FBXW11: variants seen among roughly 807,000 people sequenced by gnomAD.
FBXW11 encodes F-box and WD repeat domain containing 11, also known as F-box/WD repeat-containing protein 11.
A neutral mutation model predicts 77.6 loss-of-function variants in FBXW11; 19 were observed. The ratio of observed to expected loss-of-function variants is 0.24; its 90% CI spans 0.17 to 0.36. The LOEUF is 0.36. FBXW11 is among the 10% of genes least tolerant of loss of function. The pLI, the probability that FBXW11 is intolerant of heterozygous loss-of-function variation, is 1.00. For missense variants in FBXW11, 334 were observed against 704.2 expected, an observed-to-expected ratio of 0.47 and a Z score of 5.95; for synonymous variants, 235 against 249.4, an observed-to-expected ratio of 0.94 and a Z score of 0.54.
At chr5:171,979,933 AT>A (rs1765054949) in intron 1 of FBXW11, among the ~76,000 whole-genome samples, 2 of 152,210 alleles carry the variant, frequency 1.3e-5, no homozygotes, top group African/African-American at 4.8e-5. Context: ...ATTTGTCCCG[AT>A]TGGCTAGCAA....
chr5:171,891,610 G>GA lies in FBXW11; in HGVS notation c.715-7dup, dbSNP rs1561654535. 12 of 1,598,308 alleles carry GA rather than the reference G, an allele frequency of 7.5e-6. No individual in the cohort carries two copies. The highest frequency in any genetic ancestry group is 1.4e-5 in the African/African-American group (1 of 73,378). On this transcript the variant is annotated splice_polypyrimidine_tract_variant and splice_region_variant and intron_variant, in intron 6 of 13. Coordinates refer to ENST00000517395, the MANE Select transcript of FBXW11 (RefSeq NM_001378974.1). ...CGCCAGTTAGATTCTATAGTCTAGG[G>GA]AAAAAAGGAGGCAAGAGATGAGTTT...
At chr5:171,959,852 A>AG in intron 1 of FBXW11, among the ~76,000 whole-genome samples, 1 of 120,740 alleles carries the variant, frequency 8.3e-6, no homozygotes, top group Non-Finnish European at 1.8e-5. Context: ...TGCCTCAAAA[A>AG]AAAAAAAAAG....
At chr5:172,003,411 C>T (rs541043814) in intron 1 of FBXW11, 88 of 152,230 alleles carry the variant, frequency 5.8e-4, no homozygotes, top group African/African-American at 1.8e-3. Flanking sequence ...TGAACATAGC[C>T]GGATAAACTT....
At chr5:171,951,218 T>A (rs1051082503) in intron 2 of FBXW11, among the ~76,000 whole-genome samples, 21 of 135,016 alleles carry the variant, frequency 1.6e-4, no homozygotes, top group South Asian at 4.9e-4. Flanking sequence ...AAAAAAAAAA[T>A]TGTAGTCTAA....
intron 6 of FBXW11, among the ~76,000 whole-genome samples, chr5:171,892,447 C>G (rs1253786790): frequency 6.6e-6 from 1 of 152,204 alleles, no homozygotes; most frequent in Non-Finnish European, 1.5e-5. Context: ...CAGTTCTTTC[C>G]GACTCCAAAC....
Position 171,897,845 on chromosome 5 carries a change from C to A in FBXW11, c.714+1159G>T, listed in dbSNP as rs541845190. 1.1e-4 allele frequency among the ~76,000 whole-genome samples: 17 copies of A among 152,122 alleles called. No individual in the cohort carries two copies. The South Asian group carries it at 2.9e-3, about 26-fold the overall frequency. ...TACAACTACCTGGGGTAAGAGACAG[C>A]CCCATCTCCCCTACAATACACACAC... is the stretch of plus-strand genomic sequence containing the variant. On this transcript the variant is annotated intron_variant, in intron 6 of 13. Transcript: ENST00000517395.
At chr5:171,867,052 C>A (rs1324621332) in intron 13 of FBXW11, among the ~76,000 whole-genome samples, 2 of 152,156 alleles carry the variant, frequency 1.3e-5, no homozygotes, top group African/African-American at 4.8e-5. Flanking sequence ...GTCCCAGAAT[C>A]CTTCCAAAGG....
intron 2 of FBXW11, among the ~76,000 whole-genome samples, chr5:171,954,229 G>A (rs1763504466): frequency 6.6e-6 from 1 of 152,168 alleles, no homozygotes; most frequent in African/African-American, 2.4e-5. Context: ...AGTTAAAATG[G>A]CAGTTGTCAC....
intron 4 of FBXW11, among the ~76,000 whole-genome samples, chr5:171,905,594 C>A (rs1170669524): frequency 3.0e-5 from 3 of 101,212 alleles, no homozygotes; most frequent in African/African-American, 8.1e-5. Context: ...AGCTAACCCC[C>A]CCCCCTTTAT....
intron 2 of FBXW11, among the ~76,000 whole-genome samples, chr5:171,918,631 G>A (rs1391570087): frequency 6.6e-6 from 1 of 152,110 alleles, no homozygotes; most frequent in Non-Finnish European, 1.5e-5. Context: ...AGATTACAAT[G>A]CAGACCCTCC....
At chr5:171,944,821 C>T (rs1330713495) in intron 2 of FBXW11, among the ~76,000 whole-genome samples, 4 of 152,060 alleles carry the variant, frequency 2.6e-5, no homozygotes, top group Non-Finnish European at 5.9e-5. Flanking sequence ...TACTTACATT[C>T]ACAGAATTCA....
At chr5:171,931,816 T>C (rs940760068) in intron 2 of FBXW11, among the ~76,000 whole-genome samples, 6 of 104,162 alleles carry the variant, frequency 5.8e-5, no homozygotes, top group African/African-American at 2.2e-4. Flanking sequence ...CTCTCTCTCC[T>C]CTCTCTCTCT....
chr5:171,909,938 C>A (rs1760775394), intron 4 of FBXW11, among the ~76,000 whole-genome samples: 1 of 151,928 alleles, frequency 6.6e-6, no homozygotes, highest in Non-Finnish European at 1.5e-5. Context: ...GAAAAGAGTA[C>A]CAGTTTTTTT....
At chr5:171,942,694 C>T (rs1386125067) in intron 2 of FBXW11, among the ~76,000 whole-genome samples, 2 of 152,014 alleles carry the variant, frequency 1.3e-5, no homozygotes, top group African/African-American at 4.8e-5. Flanking sequence ...TCCAGTTGCT[C>T]AGAAGGCTGA....
Position 171,869,705 on chromosome 5 carries a change from T to C in FBXW11, c.1530+24A>G. ...GTCATCCTCCAGCACAGGGAACCAA[T>C]TCCCGTCTCAAGAGATCACATACCA... On this transcript the variant is annotated intron_variant, in intron 12 of 13. Transcript: ENST00000517395. The surrounding 1 kb of genome is among the most constrained non-coding windows in gnomAD (Gnocchi z 4.1). 2 of 1,585,562 alleles carry C rather than the reference T, an allele frequency of 1.3e-6. No homozygotes were observed. Among genetic ancestry groups the C allele is most frequent in the South Asian group, 1.1e-5 (1 of 88,110 alleles).
intron 2 of FBXW11, among the ~76,000 whole-genome samples, chr5:171,951,072 ATAATT>A (rs1162172723): frequency 6.6e-6 from 1 of 152,164 alleles, no homozygotes; most frequent in African/African-American, 2.4e-5. Flanking sequence ...TTTTCTGTAT[ATAATT>A]TAATTAAGTC....
chr5:171,991,189 G>A (rs1765714932), intron 1 of FBXW11, among the ~76,000 whole-genome samples: 1 of 152,070 alleles, frequency 6.6e-6, no homozygotes, highest in African/African-American at 2.4e-5. Context: ...GTCGAGTATT[G>A]ATTGACTGTA....
At chr5:171,896,821 T>C (rs937228679) in intron 6 of FBXW11, among the ~76,000 whole-genome samples, 15 of 152,206 alleles carry the variant, frequency 9.9e-5, no homozygotes, top group African/African-American at 3.4e-4. Flanking sequence ...TTGTAATTAT[T>C]ATAGTCTGCT....
chr5:171,878,553 A>T (rs1180412930), intron 7 of FBXW11, among the ~76,000 whole-genome samples: 1 of 105,394 alleles, frequency 9.5e-6, no homozygotes, highest in African/African-American at 3.6e-5. Flanking sequence ...TCTCCATAAG[A>T]GTGTGTGAGT....
Sources: allele counts gnomAD v4.1 joint callset (sites outside exome capture counted in the v4.1 genomes callset), GRCh38; gene constraint gnomAD v4.1.1; non-coding constraint Gnocchi (gnomAD v3.1); transcripts MANE v1.5; gene names NCBI Gene and HGNC (gene_info 2026-07-23, HGNC 2026-07-21).